The following GAS7 variants were observed in gnomAD, a reference collection of about 807,000 sequenced individuals.
GAS7 encodes growth arrest specific 7.
In GAS7, 28 loss-of-function variants were observed where a neutral mutation model predicts 71.1. That is an observed-to-expected ratio of 0.39 (90% CI 0.29 to 0.54). The LOEUF is 0.54. GAS7 is among the 20% of genes least tolerant of loss of function. GAS7 has a pLI of 0.62. For synonymous variants in GAS7, 258 were observed against 245.8 expected, an observed-to-expected ratio of 1.05 and a Z score of -0.46; for missense variants, 436 against 627.8, an observed-to-expected ratio of 0.69 and a Z score of 3.27.
chr17:9,965,973 C>T (rs969906978), intron 4 of GAS7, among the ~76,000 whole-genome samples: 4 of 151,752 alleles, frequency 2.6e-5, no homozygotes, highest in African/African-American at 9.7e-5. Context: ...TTTCCCCATC[C>T]CCCGACACCC....
At chr17:10,118,517 C>G (rs1050103292) in intron 1 of GAS7, among the ~76,000 whole-genome samples, 8 of 152,138 alleles carry the variant, frequency 5.3e-5, no homozygotes, top group Non-Finnish European at 1.0e-4. Flanking sequence ...TTGAGGCCAG[C>G]CTGGCCAACA....
At chr17:10,198,081 G>C in intron 1 of GAS7, 127 bp downstream of exon 1, 3 of 847,698 alleles carry the variant, frequency 3.5e-6, no homozygotes, top group African/African-American at 1.7e-5. Flanking sequence ...GGTAGCGCCG[G>C]CAAGGGCTGC....
At position 10,172,716 on chromosome 17, in the gene GAS7, T is replaced by C. The variant is rs370735485; in HGVS notation, c.183+25492A>G. 2.9e-3 allele frequency among the ~76,000 whole-genome samples: 440 copies of C among 152,310 alleles called. 2 individuals are homozygous for C. The highest frequency in any genetic ancestry group is 9.3e-3 in the African/African-American group (386 of 41,572). On this transcript the variant is annotated intron_variant, in intron 1 of 13. Coordinates refer to ENST00000432992, the MANE Select transcript of GAS7 (RefSeq NM_201433.2). ...GGGAATTTTACACCCATTTAGGAAATGAGCAAACTAAGGCTTGACAGACTT... is the reference window on the plus strand; with the variant it reads ...GGGAATTTTACACCCATTTAGGAAACGAGCAAACTAAGGCTTGACAGACTT...
Position 10,122,875 on chromosome 17 carries a change from G to C in GAS7, c.183+75333C>G, listed in dbSNP as rs1398970461. Among the ~76,000 whole-genome samples, 59 of 152,136 alleles carry C rather than the reference G, an allele frequency of 3.9e-4. 1 individual carries two copies. The highest frequency in any genetic ancestry group is 3.9e-3 in the Admixed American group (59 of 15,250). ...AGACAGAGTCTCACTTTGTCACCCA[G>C]GTTGGAGTGCAGTGGCGTGATCATG... On this transcript the variant is annotated intron_variant, in intron 1 of 13. Transcript: ENST00000432992.
At chr17:10,024,909 G>A (rs531335923) in intron 1 of GAS7, among the ~76,000 whole-genome samples, 3 of 152,244 alleles carry the variant, frequency 2.0e-5, no homozygotes, top group South Asian at 2.1e-4. Flanking sequence ...TGTACCCATC[G>A]ATAATGACTT....
chr17:9,911,536 C>T lies in GAS7; in HGVS notation c.*5692G>A. ...CCAGGAAGCCCTCCTGACAGCCATG[C>T]CCCAGCATTTAGAACGTGGGGAGAA... is the stretch of plus-strand genomic sequence containing the variant. On this transcript the variant is annotated 3_prime_UTR_variant, in exon 14 of 14. Coordinates refer to ENST00000432992, the MANE Select transcript of GAS7 (RefSeq NM_201433.2). The surrounding 1 kb of genome is among the most constrained non-coding windows in gnomAD (Gnocchi z 4.0). The T allele has an allele frequency of 4.3e-6, 1 of 233,460 alleles. No individual in the cohort carries two copies. Among genetic ancestry groups the T allele is most frequent in the East Asian group, 6.0e-5 (1 of 16,576 alleles). 14.5% of individuals were successfully genotyped at this position (233,460 alleles called of 1,614,324 possible).
Position 10,104,452 on chromosome 17 carries a change from C to G in GAS7, c.184-84555G>C, listed in dbSNP as rs74888672. ...TACTCACTCCCTGTAGTGGCCTGACCCTGTTCCATAGCTTCAGACATTCTC... is the reference window on the plus strand; with the variant it reads ...TACTCACTCCCTGTAGTGGCCTGACGCTGTTCCATAGCTTCAGACATTCTC... On this transcript the variant is annotated intron_variant, in intron 1 of 13. Coordinates refer to ENST00000432992, the MANE Select transcript of GAS7 (RefSeq NM_201433.2). 3.2e-4 allele frequency among the ~76,000 whole-genome samples: 49 copies of G among 152,296 alleles called. No individual in the cohort carries two copies. The East Asian group carries it at 9.1e-3, about 28-fold the overall frequency.
chr17:10,023,778 A>AT (rs2072361471), intron 1 of GAS7, among the ~76,000 whole-genome samples: 1 of 152,206 alleles, frequency 6.6e-6, no homozygotes, highest in African/African-American at 2.4e-5. Flanking sequence ...TGAATACATA[A>AT]ATATATCACT....
chr17:10,129,986 A>G (rs1160241705), intron 1 of GAS7, among the ~76,000 whole-genome samples: 1 of 152,036 alleles, frequency 6.6e-6, no homozygotes, highest in Admixed American at 6.6e-5. Flanking sequence ...AGCCTGGCCA[A>G]TATGGTGAAA....
chr17:9,987,187 C>T (rs1048989040), intron 2 of GAS7, among the ~76,000 whole-genome samples: 2 of 152,234 alleles, frequency 1.3e-5, no homozygotes, highest in Non-Finnish European at 2.9e-5. Flanking sequence ...ACTGCCCACA[C>T]TCTACTAACA....
At chr17:10,172,333 C>T (rs1368380238) in intron 1 of GAS7, among the ~76,000 whole-genome samples, 3 of 152,200 alleles carry the variant, frequency 2.0e-5, no homozygotes, top group Non-Finnish European at 2.9e-5. Context: ...GCCGCATGTC[C>T]GGCCCTGCCC....
chr17:10,076,217 AG>A (rs2152249210), intron 1 of GAS7, among the ~76,000 whole-genome samples: 1 of 54,018 alleles, frequency 1.9e-5, no homozygotes, highest in Non-Finnish European at 3.6e-5. Context: ...TGGGAGGGGG[AG>A]GGGGAGGGGA....
At position 9,981,847 on chromosome 17, in the gene GAS7, A is replaced by G; in HGVS notation, c.342T>C (p.Ile114=). The G allele has an allele frequency of 6.2e-7, 1 of 1,606,816 alleles. No individual in the cohort carries two copies. The highest frequency in any genetic ancestry group is 1.7e-5 in the Admixed American group (1 of 60,026). The change falls in exon 3 of 14, where the codon ATT becomes ATC. Residue 114 remains isoleucine, a synonymous_variant. Transcript: ENST00000432992. This position sits in a 1 kb window ranked among gnomAD's most constrained non-coding sequence, Gnocchi z 4.4. ...TCCTGTGAGAGCCAGGGCTGGCTGG[A>G]ATCCCAGGAGAACTGCTGGGACGTT... ...TWERPSSSPG[I]PASPGSHRSS... is the part of the protein sequence containing the mutation.
chr17:10,177,671 C>A (rs1162437856), intron 1 of GAS7, among the ~76,000 whole-genome samples: 1 of 152,172 alleles, frequency 6.6e-6, no homozygotes, highest in Non-Finnish European at 1.5e-5. Flanking sequence ...CAGGTGACTG[C>A]ATGATTATCA....
intron 1 of GAS7, among the ~76,000 whole-genome samples, chr17:10,090,810 G>C (rs1284333176): frequency 6.6e-6 from 1 of 152,100 alleles, no homozygotes; most frequent in East Asian, 1.9e-4. Context: ...TCAAAACGAC[G>C]GGATGGCAAC....
intron 1 of GAS7, among the ~76,000 whole-genome samples, chr17:10,139,797 A>G (rs2074066448): frequency 6.6e-6 from 1 of 152,182 alleles, no homozygotes; most frequent in South Asian, 2.1e-4. Flanking sequence ...GCTCAAACAC[A>G]TTGTTGCTGA....
At chr17:10,082,392 T>A (rs1162164041) in intron 1 of GAS7, among the ~76,000 whole-genome samples, 1 of 152,160 alleles carries the variant, frequency 6.6e-6, no homozygotes, top group Non-Finnish European at 1.5e-5. Flanking sequence ...GAGATGGTAA[T>A]AAGCACATGA....
chr17:9,923,461 C>A (rs8073768), intron 11 of GAS7, among the ~76,000 whole-genome samples: 39,918 of 151,822 alleles, frequency 0.26, 5,362 homozygotes, highest in Non-Finnish European at 0.27. Flanking sequence ...AAAAACGATT[C>A]ATCTCCCTGA....
chr17:10,150,645 G>A (rs2074158651), intron 1 of GAS7, among the ~76,000 whole-genome samples: 2 of 146,290 alleles, frequency 1.4e-5, no homozygotes, highest in Non-Finnish European at 3.0e-5. Flanking sequence ...CTGGAGTGCA[G>A]TGGCACGATC....
Sources: gnomAD v4.1 joint callset for allele counts (sites outside exome capture counted in the v4.1 genomes callset) on GRCh38, gnomAD v4.1.1 for gene constraint, Gnocchi (gnomAD v3.1) non-coding constraint, MANE v1.5 for transcripts, NCBI Gene and HGNC (gene_info 2026-07-23, HGNC 2026-07-21) for gene names.